Variants in CNTN5 observed in about 807,000 individuals in gnomAD.
CNTN5 encodes the protein contactin 5.
Under a neutral mutation model 129.1 loss-of-function variants are expected in CNTN5, and 77 were observed. The ratio of observed to expected loss-of-function variants is 0.60; its 90% CI spans 0.50 to 0.72. The LOEUF (loss-of-function observed/expected upper bound fraction) is 0.72. Among genes scored for constraint, CNTN5 ranks in the 30% least tolerant of loss-of-function variants. CNTN5 has a pLI of 0.00. For synonymous variants in CNTN5, 509 were observed against 465.6 expected (o/e 1.09, Z -1.20); for missense variants, 1,478 against 1,328.8 (o/e 1.11, Z -1.75).
intron 18 of CNTN5, among the ~76,000 whole-genome samples, chr11:100,286,801 T>G (rs1950805546): frequency 6.7e-6 from 1 of 148,860 alleles, no homozygotes; most frequent in African/African-American, 2.5e-5. Context: ...GATGATCAAA[T>G]TACTCTGAGC....
At chr11:99,744,950 T>A (rs1015819550) in intron 3 of CNTN5, among the ~76,000 whole-genome samples, 3 of 152,176 alleles carry the variant, frequency 2.0e-5, no homozygotes, top group African/African-American at 7.2e-5. Context: ...GTTCTATTCC[T>A]TCATTTCCCC....
intron 1 of CNTN5, among the ~76,000 whole-genome samples, chr11:99,073,334 G>A (rs1302920197): frequency 6.8e-6 from 1 of 146,772 alleles, no homozygotes; most frequent in Admixed American, 6.8e-5. Flanking sequence ...CCAGACATGT[G>A]CATGCGTTAT....
At chr11:99,708,910 A>G (rs574536611) in intron 3 of CNTN5, among the ~76,000 whole-genome samples, 1 of 151,868 alleles carries the variant, frequency 6.6e-6, no homozygotes, top group African/African-American at 2.4e-5. Flanking sequence ...TCCCCTCTAC[A>G]CAGTTTAGAA....
chr11:99,546,048 A>T (rs1459994225), intron 2 of CNTN5, among the ~76,000 whole-genome samples: 1 of 152,174 alleles, frequency 6.6e-6, no homozygotes, highest in Non-Finnish European at 1.5e-5. Flanking sequence ...AGACCTGCTG[A>T]CCAGGAATGA....
intron 9 of CNTN5, among the ~76,000 whole-genome samples, chr11:100,049,234 T>A (rs1437461906): frequency 6.6e-6 from 1 of 152,070 alleles, no homozygotes; most frequent in Non-Finnish European, 1.5e-5. Flanking sequence ...TATAATAATG[T>A]GTTAGAGGGT....
At chr11:100,293,049 G>A (rs1047421077) in intron 18 of CNTN5, among the ~76,000 whole-genome samples, 1 of 151,740 alleles carries the variant, frequency 6.6e-6, no homozygotes, top group African/African-American at 2.4e-5. Flanking sequence ...TTATAAGATG[G>A]GCTGGATTAG....
intron 2 of CNTN5, among the ~76,000 whole-genome samples, chr11:99,338,026 T>C (rs573773254): frequency 6.6e-6 from 1 of 152,198 alleles, no homozygotes; most frequent in Non-Finnish European, 1.5e-5. Flanking sequence ...CATAAACTTA[T>C]TTGTAAAAAT....
rs373676800 is a variant in CNTN5, at chr11:100,237,873, G to A, written c.2005+13061G>A. Among the ~76,000 whole-genome samples, 13 of 152,104 alleles carry A rather than the reference G, an allele frequency of 8.5e-5. 1 individual carries two copies. The highest frequency in any genetic ancestry group is 7.7e-4 in the East Asian group (4 of 5,196). On this transcript the variant is annotated intron_variant, in intron 16 of 24. Coordinates refer to ENST00000524871, the MANE Select transcript of CNTN5 (RefSeq NM_014361.4). ...AGGTCTCTACTCTGTATTATTGATT[G>A]AGTATATCAGTAAATTTACCTTTAG...
chr11:100,307,335 T>C (rs1951375061), intron 20 of CNTN5, among the ~76,000 whole-genome samples: 1 of 151,722 alleles, frequency 6.6e-6, no homozygotes, highest in Non-Finnish European at 1.5e-5. Flanking sequence ...TTAATAGACT[T>C]TGTACAGAAC....
intron 1 of CNTN5, among the ~76,000 whole-genome samples, chr11:99,179,373 C>A (rs1428795797): frequency 2.6e-5 from 4 of 152,020 alleles, no homozygotes; most frequent in Admixed American, 2.6e-4. Context: ...ACCTGGGAGG[C>A]AGAGGTTACA....
chr11:99,353,510 T>C (rs1409556096), intron 2 of CNTN5, among the ~76,000 whole-genome samples: 1 of 152,206 alleles, frequency 6.6e-6, no homozygotes, highest in African/African-American at 2.4e-5. Flanking sequence ...TTGTATTTGA[T>C]AATTTTGAGA....
At chr11:99,602,790 C>A (rs1042127805) in intron 3 of CNTN5, among the ~76,000 whole-genome samples, 1 of 149,086 alleles carries the variant, frequency 6.7e-6, no homozygotes, top group South Asian at 2.2e-4. Flanking sequence ...GTCCCTGACC[C>A]CTGACCCCCG....
intron 1 of CNTN5, among the ~76,000 whole-genome samples, chr11:99,047,077 TAA>T (rs571779216): frequency 2.4e-4 from 37 of 152,078 alleles, no homozygotes; most frequent in Non-Finnish European, 4.6e-4. Flanking sequence ...AACATGTTGG[TAA>T]GAGAGAGAGA....
intron 1 of CNTN5, among the ~76,000 whole-genome samples, chr11:99,261,272 G>C (rs1412196008): frequency 6.6e-6 from 1 of 151,914 alleles, no homozygotes; most frequent in East Asian, 1.9e-4. Flanking sequence ...ACATGTAATT[G>C]AGATTTTAAA....
intron 21 of CNTN5, among the ~76,000 whole-genome samples, chr11:100,315,619 C>T (rs1056188506): frequency 6.6e-6 from 1 of 152,102 alleles, no homozygotes; most frequent in Non-Finnish European, 1.5e-5. Flanking sequence ...AAATGGTGGT[C>T]TTTTCCTTTC....
intron 15 of CNTN5, 116 bp downstream of exon 15, chr11:100,193,779 G>T: frequency 1.3e-6 from 1 of 768,304 alleles, no homozygotes; most frequent in Non-Finnish European, 2.0e-6. Context: ...ACATCGACTT[G>T]ATAAAAACAA....
At chr11:99,198,914 T>C (rs1365104208) in intron 1 of CNTN5, among the ~76,000 whole-genome samples, 2 of 152,268 alleles carry the variant, frequency 1.3e-5, no homozygotes, top group Admixed American at 1.3e-4. Flanking sequence ...TATTCTAGCA[T>C]GTATCTTCAA....
At chr11:99,273,130 C>T (rs1345416050) in intron 1 of CNTN5, among the ~76,000 whole-genome samples, 2 of 151,722 alleles carry the variant, frequency 1.3e-5, no homozygotes, top group East Asian at 3.9e-4. Context: ...TAATTAGATA[C>T]GTAAATCCTA....
chr11:99,461,599 T>G (rs1457518970), intron 2 of CNTN5, among the ~76,000 whole-genome samples: 1 of 152,188 alleles, frequency 6.6e-6, no homozygotes, highest in Non-Finnish European at 1.5e-5. Flanking sequence ...TTGATATTGC[T>G]TAGTTCCTTG....
Sources: allele counts gnomAD v4.1 joint callset (sites outside exome capture counted in the v4.1 genomes callset), GRCh38; gene constraint gnomAD v4.1.1; transcripts MANE v1.5; gene names NCBI Gene and HGNC (gene_info 2026-07-23, HGNC 2026-07-21).